CDK14: variants seen among roughly 807,000 people sequenced by gnomAD.
CDK14 encodes the protein cyclin-dependent kinase 14.
Under a neutral mutation model 60.7 loss-of-function variants are expected in CDK14, and 34 were observed. The ratio of observed to expected loss-of-function variants is 0.56; its 90% CI spans 0.43 to 0.75. The LOEUF (loss-of-function observed/expected upper bound fraction) is 0.75, where lower values mean the gene tolerates loss of function less well. Ranked by LOEUF, CDK14 falls within the 30% of genes least tolerant of loss-of-function variation. The pLI is 0.00. For missense variants in CDK14, 482 were observed against 564.1 expected (o/e 0.85, Z 1.47); for synonymous variants, 197 against 203.7 (o/e 0.97, Z 0.28).
chr7:91,032,979 T>C (rs977255492), intron 10 of CDK14, among the ~76,000 whole-genome samples: 1 of 152,224 alleles, frequency 6.6e-6, no homozygotes, highest in African/African-American at 2.4e-5. Context: ...TTTAAAGCAC[T>C]ACATTTTTCA....
intron 6 of CDK14, among the ~76,000 whole-genome samples, chr7:90,891,218 G>C (rs1475427943): frequency 6.6e-6 from 1 of 152,118 alleles, no homozygotes; most frequent in Non-Finnish European, 1.5e-5. Context: ...TTTATAATGG[G>C]TTCATTCACC....
chr7:91,023,025 TTC>T (rs1554405931), intron 10 of CDK14, among the ~76,000 whole-genome samples: 3 of 152,082 alleles, frequency 2.0e-5, no homozygotes, highest in Non-Finnish European at 2.9e-5. Flanking sequence ...TTTTTTTTTT[TTC>T]GTCTAATGAA....
chr7:90,792,192 G>A (rs1805861146), intron 5 of CDK14, among the ~76,000 whole-genome samples: 1 of 136,116 alleles, frequency 7.3e-6, no homozygotes, highest in Admixed American at 8.0e-5. Flanking sequence ...GAGCCACTGT[G>A]CCTGCCTTTT....
intron 6 of CDK14, among the ~76,000 whole-genome samples, chr7:90,866,940 CAA>C (rs1297367496): frequency 6.6e-6 from 1 of 151,684 alleles, no homozygotes; most frequent in Non-Finnish European, 1.5e-5. Flanking sequence ...TATACAGTTA[CAA>C]AGTCTGTAGA....
At chr7:90,618,533 G>T (rs1390211927) in intron 2 of CDK14, among the ~76,000 whole-genome samples, 2 of 152,132 alleles carry the variant, frequency 1.3e-5, no homozygotes, top group Non-Finnish European at 2.9e-5. Context: ...TCCAGTGAAT[G>T]AACTTTTGGT....
At chr7:90,799,970 A>G (rs1489750112) in intron 5 of CDK14, among the ~76,000 whole-genome samples, 1 of 152,166 alleles carries the variant, frequency 6.6e-6, no homozygotes, top group Non-Finnish European at 1.5e-5. Flanking sequence ...GAAAGGGTCT[A>G]AAAGAGGAAA....
At chr7:90,711,615 C>T (rs1473664540) in intron 2 of CDK14, among the ~76,000 whole-genome samples, 1 of 151,896 alleles carries the variant, frequency 6.6e-6, no homozygotes. Flanking sequence ...GATTAGCCAC[C>T]CACTATGTGT....
chr7:91,038,201 G>A (rs914524096), intron 10 of CDK14, among the ~76,000 whole-genome samples: 1 of 152,142 alleles, frequency 6.6e-6, no homozygotes, highest in East Asian at 1.9e-4. Flanking sequence ...AACTGAAGAC[G>A]ACTCTCTTCT....
chr7:90,712,079 T>G (rs1328628217), intron 2 of CDK14, among the ~76,000 whole-genome samples: 1 of 151,886 alleles, frequency 6.6e-6, no homozygotes, highest in Admixed American at 6.6e-5. Flanking sequence ...TTTTTTTTTT[T>G]CATTTTGGTA....
At chr7:90,880,691 G>A (rs1203387238) in intron 6 of CDK14, among the ~76,000 whole-genome samples, 1 of 152,060 alleles carries the variant, frequency 6.6e-6, no homozygotes, top group Non-Finnish European at 1.5e-5. Context: ...GCATCAGTTT[G>A]GTGCCCCTCT....
In CDK14 at chr7:90,878,192, A is replaced by G. The variant is rs553556084; in HGVS notation, c.639+14923A>G. On this transcript the variant is annotated intron_variant, in intron 6 of 14. Coordinates refer to ENST00000380050, the MANE Select transcript of CDK14 (RefSeq NM_001287135.2). Reference sequence around the variant, plus strand: ...TATAGAGTATATCAGACACAGAGATATAGTGGCTGGTTTCTCCTTGAAAGG... The same window carrying G: ...TATAGAGTATATCAGACACAGAGATGTAGTGGCTGGTTTCTCCTTGAAAGG... Among the ~76,000 whole-genome samples the G allele has an allele frequency of 3.3e-5, 5 of 152,238 alleles. No individual in the cohort carries two copies. In the South Asian group the frequency reaches 1.0e-3, roughly 32 times the overall value.
chr7:90,724,578 T>G lies in CDK14; in HGVS notation c.124-1989T>G, dbSNP rs186922499. Among the ~76,000 whole-genome samples the G allele has an allele frequency of 1.1e-4, 17 of 152,082 alleles. No homozygotes were observed. The East Asian group carries it at 3.1e-3, about 28-fold the overall frequency. ...TCTAGTCATTTAGTGTTACAAATTTTCCTACAGCTAAAGTACTACTTTAGC... is the reference window on the plus strand; with the variant it reads ...TCTAGTCATTTAGTGTTACAAATTTGCCTACAGCTAAAGTACTACTTTAGC... On this transcript the variant is annotated intron_variant, in intron 2 of 14. Coordinates refer to ENST00000380050, the MANE Select transcript of CDK14 (RefSeq NM_001287135.2).
intron 4 of CDK14, among the ~76,000 whole-genome samples, chr7:90,750,405 CAGAT>C (rs1803790746): frequency 6.6e-6 from 1 of 152,048 alleles, no homozygotes; most frequent in East Asian, 1.9e-4. Context: ...TCAGAAATGA[CAGAT>C]AAATAATTGA....
chr7:90,625,016 C>T (rs971816562), intron 2 of CDK14, among the ~76,000 whole-genome samples: 3 of 152,120 alleles, frequency 2.0e-5, no homozygotes, highest in Non-Finnish European at 2.9e-5. Flanking sequence ...AGTTTCAAAA[C>T]GTGTAAAACA....
intron 11 of CDK14, among the ~76,000 whole-genome samples, chr7:91,069,996 TG>T (rs1283009199): frequency 2.0e-5 from 3 of 152,100 alleles, no homozygotes; most frequent in Admixed American, 1.3e-4. Context: ...TGGGTCTCCC[TG>T]TGTTGGCCAA....
At chr7:90,941,186 G>C (rs1432392613) in intron 8 of CDK14, among the ~76,000 whole-genome samples, 1 of 152,184 alleles carries the variant, frequency 6.6e-6, no homozygotes. Flanking sequence ...GTTGAGATTA[G>C]AATTAGATAT....
chr7:90,916,521 G>A (rs985871775), intron 7 of CDK14, among the ~76,000 whole-genome samples: 1 of 152,172 alleles, frequency 6.6e-6, no homozygotes, highest in Non-Finnish European at 1.5e-5. Context: ...ACATTCCAGA[G>A]ATGCCACTGT....
chr7:90,646,690 A>G (rs950727793), intron 2 of CDK14, among the ~76,000 whole-genome samples: 10 of 152,064 alleles, frequency 6.6e-5, no homozygotes, highest in Admixed American at 4.6e-4. Flanking sequence ...CTTCTTAGCA[A>G]TGTATATTGA....
chr7:90,882,750 C>CCA (rs1263853740), intron 6 of CDK14, among the ~76,000 whole-genome samples: 2 of 152,188 alleles, frequency 1.3e-5, no homozygotes, highest in Non-Finnish European at 2.9e-5. Context: ...GTCTCTCAGA[C>CCA]CACAATGCAA....
Sources: allele counts gnomAD v4.1 joint callset (sites outside exome capture counted in the v4.1 genomes callset), GRCh38; gene constraint gnomAD v4.1.1; transcripts MANE v1.5; gene names NCBI Gene and HGNC (gene_info 2026-07-23, HGNC 2026-07-21).